LRRC37A: variants seen among roughly 807,000 people sequenced by gnomAD.
LRRC37A encodes leucine-rich repeat-containing protein 37A.
LRRC37A carries 3 observed loss-of-function variants against 35.4 expected under a neutral mutation model. That is an observed-to-expected ratio of 0.08 (90% confidence interval 0.04 to 0.22). LRRC37A has a LOEUF of 0.22. Among genes scored for constraint, LRRC37A ranks in the 10% least tolerant of loss-of-function variants. The pLI is 1.00. For missense variants in LRRC37A, 67 were observed against 565.3 expected (o/e 0.12, Z 8.94); for synonymous variants, 23 against 215.0 (o/e 0.11, Z 7.81).
At chr17:46,254,683 A>G in the LRRC37A span, among the ~76,000 whole-genome samples, 1 of 151,566 alleles carries the variant, frequency 6.6e-6, no homozygotes, top group Non-Finnish European at 1.5e-5. Context: ...CTGGGATTAC[A>G]GGCATGTGCC....
At chr17:46,263,994 GC>G in the LRRC37A span, among the ~76,000 whole-genome samples, 4 of 152,074 alleles carry the variant, frequency 2.6e-5, no homozygotes, top group Non-Finnish European at 5.9e-5. Context: ...ACTGCATCTG[GC>G]TCCCACCATC....
the LRRC37A span, among the ~76,000 whole-genome samples, chr17:46,286,786 TTA>T: frequency 6.6e-6 from 1 of 152,258 alleles, no homozygotes; most frequent in Non-Finnish European, 1.5e-5. Context: ...GATGCTCTTA[TTA>T]GAACTCACTG....
the LRRC37A span, among the ~76,000 whole-genome samples, chr17:46,280,047 CCCTGAA>C: frequency 8.9e-6 from 1 of 112,174 alleles, no homozygotes; most frequent in Non-Finnish European, 2.4e-5. Context: ...TCATTGCTTT[CCCTGAA>C]CCTCTTGTTT....
chr17:46,250,425 T>G, the LRRC37A span, among the ~76,000 whole-genome samples: 1 of 152,212 alleles, frequency 6.6e-6, no homozygotes, highest in Non-Finnish European at 1.5e-5. Context: ...GATTAACATT[T>G]GAGTCAGCGG....
At chr17:46,263,903 G>T in the LRRC37A span, among the ~76,000 whole-genome samples, 1 of 151,198 alleles carries the variant, frequency 6.6e-6, no homozygotes, top group Non-Finnish European at 1.5e-5. Context: ...CACCAGGTTG[G>T]CCAGGCTGGT....
the LRRC37A span, among the ~76,000 whole-genome samples, chr17:46,250,861 T>G: frequency 2.0e-5 from 3 of 152,226 alleles, no homozygotes; most frequent in South Asian, 6.2e-4. Flanking sequence ...TCTCTTCCCT[T>G]CCCCTTTCTC....
chr17:46,291,985 A>AAAAAAAAAAAAAAAAAAAAAAC (rs1360524355), upstream of LRRC37A, among the ~76,000 whole-genome samples: 3 of 76,586 alleles, frequency 3.9e-5, no homozygotes, highest in Non-Finnish European at 5.5e-5. Context: ...AAAAAAAAAA[A>AAAAAAAAAAAAAAAAAAAAAAC]AAGCCAATAA....
the LRRC37A span, among the ~76,000 whole-genome samples, chr17:46,259,136 T>A: frequency 6.8e-6 from 1 of 146,172 alleles, no homozygotes; most frequent in African/African-American, 2.6e-5. Context: ...TGCCATGTGG[T>A]GGAGGCAAAG....
chr17:46,258,249 T>C, the LRRC37A span, among the ~76,000 whole-genome samples: 1 of 147,990 alleles, frequency 6.8e-6, no homozygotes, highest in Non-Finnish European at 1.5e-5. Context: ...TCTCGCTCTG[T>C]CGCCAGGCTG....
At chr17:46,259,878 G>T in the LRRC37A span, 5 of 1,565,636 alleles carry the variant, frequency 3.2e-6, no homozygotes, top group African/African-American at 6.8e-5. Context: ...CCCTTGCCAA[G>T]GCCAACTGGC....
upstream of LRRC37A, among the ~76,000 whole-genome samples, chr17:46,288,287 G>A (rs1265345137): frequency 6.7e-6 from 1 of 148,634 alleles, no homozygotes; most frequent in Non-Finnish European, 1.5e-5. Context: ...GACTACAGAT[G>A]TGCACCACCA....
At chr17:46,253,501 C>T in the LRRC37A span, among the ~76,000 whole-genome samples, 5 of 152,208 alleles carry the variant, frequency 3.3e-5, no homozygotes, top group Non-Finnish European at 7.4e-5. Context: ...AATCCCGGCA[C>T]CTCGGGAGGC....
At chr17:46,252,400 C>T in the LRRC37A span, among the ~76,000 whole-genome samples, 5 of 140,616 alleles carry the variant, frequency 3.6e-5, no homozygotes, top group Non-Finnish European at 6.4e-5. Context: ...TTTAATTGAT[C>T]ATTCTTGGGT....
chr17:46,284,309 A>G, the LRRC37A span, among the ~76,000 whole-genome samples: 1 of 152,370 alleles, frequency 6.6e-6, no homozygotes, highest in Non-Finnish European at 1.5e-5. Context: ...GTCCCTGGGC[A>G]CTTGACATTA....
chr17:46,334,822 A>G (rs1442115108), intron 10 of LRRC37A: 7 of 133,942 alleles, frequency 5.2e-5, no homozygotes, highest in African/African-American at 1.6e-4. Flanking sequence ...ACATCTTCAG[A>G]TTCAACTAGA....
At position 46,330,967 on chromosome 17, in the gene LRRC37A, C is replaced by T. The variant is rs760550644; in HGVS notation, c.3690C>T (p.Ala1230=). 1.2e-5 allele frequency: 9 copies of T among 724,380 alleles called. 2 individuals carry two copies. The highest frequency in any genetic ancestry group is 8.3e-5 in the South Asian group (3 of 35,936). 44.9% of individuals were successfully genotyped at this position (724,380 alleles called of 1,614,324 possible). ...GGCCTGAGAAGTTAGCGGGAAACGC[C>T]GTCTACACCAAGCCTTCGTTCACCC... Residue 1230 remains alanine, a synonymous_variant, in exon 9 of 14, where the codon GCC becomes GCT. Transcript: ENST00000320254.
At chr17:46,268,512 T>A in the LRRC37A span, 1 of 1,412,682 alleles carries the variant, frequency 7.1e-7, no homozygotes, top group African/African-American at 1.5e-5. Flanking sequence ...AGGCAGCAGG[T>A]ATATTGTGAT....
the LRRC37A span, among the ~76,000 whole-genome samples, chr17:46,276,782 CT>C: frequency 4.8e-5 from 7 of 145,734 alleles, no homozygotes; most frequent in South Asian, 2.2e-4. Flanking sequence ...TAATTTTTTT[CT>C]TTTTTTCTTT....
rs765370857 is a variant in LRRC37A at position 46,330,582 on chromosome 17, G to T, written c.3305G>T (p.Gly1102Val). The T allele has an allele frequency of 3.3e-5, 7 of 212,638 alleles. 2 individuals carry two copies. In the South Asian group the frequency reaches 3.8e-4, roughly 12 times the overall value. The allele number at this position is 212,638 out of a possible 1,614,324, so 13.2% of individuals were successfully genotyped here. Residue 1102 changes from glycine to valine, a missense_variant, in exon 9 of 14, where the codon GGC becomes GTC. Coordinates refer to ENST00000320254, the Ensembl canonical transcript of LRRC37A. ...GACAGCAGTGGCATCAACTTGTCAG[G>T]CTTTGGGAGTGAGCAGCTAGACACC... is the stretch of plus-strand genomic sequence containing the variant.
Sources: gnomAD v4.1 joint callset for allele counts (sites outside exome capture counted in the v4.1 genomes callset) on GRCh38, gnomAD v4.1.1 for gene constraint, MANE v1.5 for transcripts, NCBI Gene and HGNC (gene_info 2026-07-23, HGNC 2026-07-21) for gene names.